Variants in RALYL observed in about 807,000 individuals in gnomAD.
RALYL encodes the protein RALY RNA binding protein like, also known as RNA-binding Raly-like protein.
A neutral mutation model predicts 35.1 loss-of-function variants in RALYL; 29 were observed. The ratio of observed to expected loss-of-function variants is 0.83; its 90% confidence interval spans 0.61 to 1.13. The LOEUF is 1.13. RALYL is among the 50% of genes most tolerant of loss of function. The probability of loss-of-function intolerance (pLI) is 0.00; values close to 1 mark genes in which losing one functional copy is unlikely to be tolerated. For synonymous variants in RALYL, 120 were observed against 127.6 expected, an observed-to-expected ratio of 0.94 and a Z score of 0.40; for missense variants, 359 against 360.4, an observed-to-expected ratio of 1.00 and a Z score of 0.03.
chr8:84,841,702 C>T (rs1420233108), intron 4 of RALYL, among the ~76,000 whole-genome samples: 2 of 152,062 alleles, frequency 1.3e-5, no homozygotes, highest in Middle Eastern at 3.2e-3. Flanking sequence ...TTCCAAAATT[C>T]ACCACATAGT....
At chr8:84,274,894 C>T (rs988774402) in intron 1 of RALYL, among the ~76,000 whole-genome samples, 4 of 152,060 alleles carry the variant, frequency 2.6e-5, no homozygotes, top group Non-Finnish European at 4.4e-5. Context: ...AGAGCTCTAC[C>T]ATCAGAGTGA....
chr8:84,617,932 AG>A (rs1489489736), intron 2 of RALYL, among the ~76,000 whole-genome samples: 1 of 151,820 alleles, frequency 6.6e-6, no homozygotes, highest in African/African-American at 2.4e-5. Context: ...CTTGCATCCC[AG>A]GGATGAAGCC....
intron 7 of RALYL, among the ~76,000 whole-genome samples, chr8:84,887,088 A>G (rs1486841275): frequency 4.6e-4 from 70 of 151,074 alleles, no homozygotes; most frequent in Non-Finnish European, 2.4e-4. Context: ...TCACACAGAC[A>G]TGTTGTCTGA....
chr8:84,397,175 C>T (rs537753611), intron 1 of RALYL, among the ~76,000 whole-genome samples: 28 of 152,204 alleles, frequency 1.8e-4, no homozygotes, highest in African/African-American at 6.5e-4. Flanking sequence ...GCCAAGGGCA[C>T]CTTCTGGGAT....
At chr8:84,188,455 G>A (rs1451645749) in intron 1 of RALYL, among the ~76,000 whole-genome samples, 3 of 151,958 alleles carry the variant, frequency 2.0e-5, no homozygotes, top group South Asian at 2.1e-4. Context: ...ACTACTTCCA[G>A]TGACCTGTAC....
intron 7 of RALYL, among the ~76,000 whole-genome samples, chr8:84,885,071 C>T (rs571241397): frequency 3.9e-5 from 6 of 152,002 alleles, no homozygotes; most frequent in Admixed American, 1.3e-4. Context: ...GTCCAATGCT[C>T]GAGCTAGTCA....
intron 1 of RALYL, among the ~76,000 whole-genome samples, chr8:84,507,758 C>T (rs2057297155): frequency 6.6e-6 from 1 of 152,138 alleles, no homozygotes; most frequent in South Asian, 2.1e-4. Context: ...GCTGTGGACA[C>T]TGTTGTCAAT....
At chr8:84,339,451 T>G (rs1848386024) in intron 1 of RALYL, among the ~76,000 whole-genome samples, 1 of 151,972 alleles carries the variant, frequency 6.6e-6, no homozygotes, top group Admixed American at 6.6e-5. Context: ...TATGAAAATC[T>G]AATGCCTGAT....
In RALYL at chr8:84,677,696, A is replaced by G. The variant is rs138330863; in HGVS notation, c.257-96883A>G. Among the ~76,000 whole-genome samples the G allele has an allele frequency of 3.3e-5, 5 of 152,360 alleles. No individual in the cohort carries two copies. The East Asian group carries it at 9.6e-4, about 29-fold the overall frequency. Reference sequence around the variant, plus strand: ...TTTGTGCAATAAAAGAAAATGAAAGATGCAGTTATTTCAGCTGCTTTCTCA... The same window carrying G: ...TTTGTGCAATAAAAGAAAATGAAAGGTGCAGTTATTTCAGCTGCTTTCTCA... On this transcript the variant is annotated intron_variant, in intron 2 of 8. Coordinates refer to ENST00000521268, the MANE Select transcript of RALYL (RefSeq NM_173848.7).
intron 2 of RALYL, among the ~76,000 whole-genome samples, chr8:84,581,445 G>A (rs1810806353): frequency 1.3e-5 from 2 of 152,202 alleles, no homozygotes; most frequent in Non-Finnish European, 2.9e-5. Flanking sequence ...TATGCCCAGA[G>A]CCTGATATAA....
At chr8:84,501,752 T>A (rs532303435) in intron 1 of RALYL, among the ~76,000 whole-genome samples, 94 of 151,364 alleles carry the variant, frequency 6.2e-4, no homozygotes, top group African/African-American at 2.2e-3. Context: ...GGCTCACAAA[T>A]GGCAATTTTT....
At chr8:84,430,456 G>C (rs1398709509) in intron 1 of RALYL, among the ~76,000 whole-genome samples, 1 of 152,018 alleles carries the variant, frequency 6.6e-6, no homozygotes, top group Non-Finnish European at 1.5e-5. Context: ...TGTTCAAATA[G>C]AGGAAAGAAA....
chr8:84,690,840 A>T (rs1487931358), intron 2 of RALYL, among the ~76,000 whole-genome samples: 1 of 152,060 alleles, frequency 6.6e-6, no homozygotes, highest in African/African-American at 2.4e-5. Flanking sequence ...CTAAAGCTGG[A>T]TTATGAGGAC....
intron 2 of RALYL, among the ~76,000 whole-genome samples, chr8:84,633,220 A>G (rs1480242633): frequency 6.6e-6 from 1 of 151,740 alleles, no homozygotes; most frequent in Non-Finnish European, 1.5e-5. Context: ...CTATGTTTGT[A>G]TTATTCAGAA....
chr8:84,848,585 T>C (rs1433125653), intron 4 of RALYL, among the ~76,000 whole-genome samples: 1 of 152,086 alleles, frequency 6.6e-6, no homozygotes, highest in Non-Finnish European at 1.5e-5. Context: ...AAATATTGTA[T>C]GACTATATGA....
chr8:84,406,433 A>G (rs2043506563), intron 1 of RALYL, among the ~76,000 whole-genome samples: 1 of 151,924 alleles, frequency 6.6e-6, no homozygotes, highest in African/African-American at 2.4e-5. Context: ...GGGAGTAGTG[A>G]TGAAAAATAA....
chr8:84,730,445 A>C (rs950843919), intron 2 of RALYL, among the ~76,000 whole-genome samples: 1 of 152,094 alleles, frequency 6.6e-6, no homozygotes, highest in Non-Finnish European at 1.5e-5. Flanking sequence ...ATGGGCAAAA[A>C]CTGGAAGCAT....
At chr8:84,185,531 C>A (rs913161779) in intron 1 of RALYL, among the ~76,000 whole-genome samples, 2 of 152,144 alleles carry the variant, frequency 1.3e-5, no homozygotes, top group African/African-American at 2.4e-5. Flanking sequence ...AACACTGTGA[C>A]CGAATCTGCT....
chr8:84,508,976 C>A (rs1421067127), intron 1 of RALYL, among the ~76,000 whole-genome samples: 1 of 152,016 alleles, frequency 6.6e-6, no homozygotes, highest in African/African-American at 2.4e-5. Flanking sequence ...TCTTGAATAA[C>A]TAAATTTGCG....
Sources: gnomAD v4.1 joint callset for allele counts (sites outside exome capture counted in the v4.1 genomes callset) on GRCh38, gnomAD v4.1.1 for gene constraint, MANE v1.5 for transcripts, NCBI Gene and HGNC (gene_info 2026-07-23, HGNC 2026-07-21) for gene names.